The following DNAH8 variants were observed in gnomAD, a reference collection of about 807,000 sequenced individuals.
DNAH8 encodes the protein dynein axonemal heavy chain 8.
Under a neutral mutation model 562.1 loss-of-function variants are expected in DNAH8, and 382 were observed. The ratio of observed to expected loss-of-function variants is 0.68; its 90% CI spans 0.63 to 0.74. The LOEUF is 0.74. Ranked by LOEUF, DNAH8 falls within the 30% of genes least tolerant of loss-of-function variation. The pLI is 0.00. For missense variants in DNAH8, 5,203 were observed against 5,620.4 expected (o/e 0.93, Z 2.37); for synonymous variants, 1,881 against 1,919.4 (o/e 0.98, Z 0.52).
intron 35 of DNAH8, among the ~76,000 whole-genome samples, chr6:38,845,274 C>T (rs1359096739): frequency 6.6e-6 from 1 of 151,996 alleles, no homozygotes; most frequent in Non-Finnish European, 1.5e-5. Context: ...TGTGATTATC[C>T]CCATTTTAGC....
intron 85 of DNAH8, among the ~76,000 whole-genome samples, chr6:38,981,458 C>T (rs1282250733): frequency 1.3e-5 from 2 of 152,162 alleles, no homozygotes; most frequent in Admixed American, 6.5e-5. Context: ...GCCACTATTG[C>T]ACAGGAGTCT....
intron 68 of DNAH8, 82 bp downstream of exon 68, chr6:38,915,459 A>G: frequency 8.8e-7 from 1 of 1,136,986 alleles, no homozygotes; most frequent in African/African-American, 1.6e-5. Flanking sequence ...TCATCAGAAA[A>G]CTGAATTGAA....
chr6:38,971,414 G>T (rs115756737), intron 82 of DNAH8, among the ~76,000 whole-genome samples, 178 bp from the exon 83 acceptor site: 5 of 150,332 alleles, frequency 3.3e-5, no homozygotes, highest in African/African-American at 9.8e-5. Context: ...CCAGGTCTCT[G>T]CTCCATGCAT....
Position 38,826,168 on chromosome 6 carries a change from T to C in DNAH8, c.3860T>C (p.Leu1287Ser), listed in dbSNP as rs769776767. 2 of 1,599,672 alleles carry C rather than the reference T, an allele frequency of 1.3e-6. No homozygotes were observed. The highest frequency in any genetic ancestry group is 2.3e-5 in the South Asian group (2 of 87,708). The change falls in exon 29 of 93, where the codon TTG becomes TCG. Residue 1287 changes from leucine (L) to serine (S), a missense_variant. By Grantham distance (145) the Leu-to-Ser change is moderately radical. Transcript: ENST00000327475. ...TTGTCTTCATCAGAGCCGATGAAATTGGCCTTATCCATCGAGGCCAAGGCA... is the reference window on the plus strand; with the variant it reads ...TTGTCTTCATCAGAGCCGATGAAATCGGCCTTATCCATCGAGGCCAAGGCA... ...ALELHTEPMK[L>S]ALSIEAKAWK...
In DNAH8 at chr6:38,824,305, A is replaced by G. The variant is rs1402997029; in HGVS notation, c.3847+617A>G. Among the ~76,000 whole-genome samples, 2 of 152,218 alleles carry G rather than the reference A, an allele frequency of 1.3e-5. 1 individual carries two copies. On this transcript the variant is annotated intron_variant, in intron 28 of 92. Transcript: ENST00000327475. ...GGACTGTGGACGTAGACAGGTTGACATCATCTGTAGAAGGATGCTTACTCA... is the reference window on the plus strand; with the variant it reads ...GGACTGTGGACGTAGACAGGTTGACGTCATCTGTAGAAGGATGCTTACTCA...
chr6:38,855,881 A>G (rs1264772217), intron 41 of DNAH8, among the ~76,000 whole-genome samples: 1 of 152,142 alleles, frequency 6.6e-6, no homozygotes, highest in Non-Finnish European at 1.5e-5. Context: ...AGATTCTCAG[A>G]GGAGGGCGAA....
intron 1 of DNAH8, among the ~76,000 whole-genome samples, chr6:38,717,277 C>T (rs1291397830): frequency 6.6e-6 from 1 of 152,158 alleles, no homozygotes; most frequent in Non-Finnish European, 1.5e-5. Flanking sequence ...TGCTTTGCAT[C>T]AGCAGAATGT....
intron 65 of DNAH8, among the ~76,000 whole-genome samples, chr6:38,910,911 A>G (rs1355731246): frequency 1.3e-5 from 2 of 152,250 alleles, no homozygotes; most frequent in African/African-American, 4.8e-5. Flanking sequence ...GCCTTTTGTA[A>G]TAAAGCCACA....
chr6:38,717,952 A>G (rs1310057118), intron 1 of DNAH8, among the ~76,000 whole-genome samples: 1 of 152,208 alleles, frequency 6.6e-6, no homozygotes, highest in Non-Finnish European at 1.5e-5. Context: ...GTATATACAC[A>G]TATACACACT....
intron 21 of DNAH8, among the ~76,000 whole-genome samples, chr6:38,796,727 A>T (rs549752521): frequency 6.6e-6 from 1 of 152,032 alleles, no homozygotes; most frequent in Non-Finnish European, 1.5e-5. Flanking sequence ...CAATCCTCTC[A>T]TGGGGACCTG....
At chr6:38,910,943 A>G (rs988025321) in intron 65 of DNAH8, among the ~76,000 whole-genome samples, 1 of 152,192 alleles carries the variant, frequency 6.6e-6, no homozygotes, top group African/African-American at 2.4e-5. Flanking sequence ...ATTTGAATCG[A>G]GTGTGGTTGC....
chr6:38,835,393 C>G (rs1050170987), intron 32 of DNAH8, among the ~76,000 whole-genome samples: 6 of 151,586 alleles, frequency 4.0e-5, no homozygotes, highest in African/African-American at 1.5e-4. Flanking sequence ...GTGGTTCTTA[C>G]CTCTAAGCTG....
At chr6:39,004,137 A>C (rs1765654528) in intron 88 of DNAH8, among the ~76,000 whole-genome samples, 1 of 152,156 alleles carries the variant, frequency 6.6e-6, no homozygotes, top group Non-Finnish European at 1.5e-5. Flanking sequence ...GCTCCTTGGG[A>C]AGCTGAAGTA....
At chr6:38,826,630 G>C (rs1054579845) in intron 29 of DNAH8, among the ~76,000 whole-genome samples, 2 of 152,124 alleles carry the variant, frequency 1.3e-5, no homozygotes, top group Non-Finnish European at 2.9e-5. Flanking sequence ...GCTATAGTGG[G>C]GTAGGTAGTG....
chr6:38,899,846 G>GTC lies in DNAH8; in HGVS notation c.9136_9137dup (p.Ser3047PhefsTer16). 6.2e-7 allele frequency: 1 copy of GTC among 1,611,686 alleles called. No homozygotes were observed. Among genetic ancestry groups the GTC allele is most frequent in the Non-Finnish European group, 8.5e-7 (1 of 1,179,102 alleles). On this transcript the variant is annotated frameshift_variant, in exon 62 of 93. Transcript: ENST00000327475. LOFTEE classifies it high-confidence loss of function. Reference sequence around the variant, plus strand: ...GGTGTTGGTGGTTCCGGAAAACAAAGTCTTTCAAGATTGGCCTCTTTTATT... The same window carrying GTC: ...GGTGTTGGTGGTTCCGGAAAACAAAGTCTCTTTCAAGATTGGCCTCTTTTATT...
intron 8 of DNAH8, 25 bp from the exon 9 acceptor site, chr6:38,750,451 G>T: frequency 1.3e-6 from 2 of 1,522,946 alleles, no homozygotes; most frequent in African/African-American, 1.4e-5. Context: ...ATGTTTCATA[G>T]AATTCTTATA....
intron 8 of DNAH8, among the ~76,000 whole-genome samples, chr6:38,743,007 CTTTTTT>C (rs11340457): frequency 5.8e-5 from 3 of 52,004 alleles, no homozygotes; most frequent in South Asian, 1.0e-3. Flanking sequence ...TGTTGTTGTG[CTTTTTT>C]TTTTTTTTTT....
rs532658179 is a variant in DNAH8, at chr6:38,947,967, C to T, written c.12130-1485C>T. On this transcript the variant is annotated intron_variant, in intron 80 of 92. Coordinates refer to ENST00000327475, the MANE Select transcript of DNAH8 (RefSeq NM_001206927.2). The stretch of plus-strand genomic sequence containing the variant: ...TCCACCGTGTTGCCCAAGCTGGTCG[C>T]GAACTCCTGAGCTCAGGCACTCTGC... 3.3e-5 allele frequency among the ~76,000 whole-genome samples: 5 copies of T among 152,236 alleles called. No individual in the cohort carries two copies. In the South Asian group the frequency reaches 6.2e-4, roughly 19 times the overall value.
intron 30 of DNAH8, among the ~76,000 whole-genome samples, chr6:38,831,033 T>A (rs1773790494): frequency 6.6e-6 from 1 of 152,186 alleles, no homozygotes; most frequent in East Asian, 1.9e-4. Flanking sequence ...AATAGCTTAC[T>A]CCTCTTGCTG....
Sources: allele counts gnomAD v4.1 joint callset (sites outside exome capture counted in the v4.1 genomes callset), GRCh38; gene constraint gnomAD v4.1.1; transcripts MANE v1.5; gene names NCBI Gene and HGNC (gene_info 2026-07-23, HGNC 2026-07-21).